The following FERRY3 variants were observed in gnomAD, a reference collection of about 807,000 sequenced individuals.
FERRY3 encodes the protein protein C12orf4.
the FERRY3 span, among the ~76,000 whole-genome samples, chr12:4,492,579 T>G: frequency 1.3e-5 from 2 of 152,226 alleles, no homozygotes; most frequent in Non-Finnish European, 2.9e-5. Flanking sequence ...TTCACATACC[T>G]TAGGACCACT....
chr12:4,490,614 T>C, the FERRY3 span: 2 of 1,588,800 alleles, frequency 1.3e-6, no homozygotes, highest in African/African-American at 1.3e-5. Context: ...CAGATGTTGC[T>C]GCATGACAAG....
At chr12:4,520,439 A>C in the FERRY3 span, among the ~76,000 whole-genome samples, 1 of 152,250 alleles carries the variant, frequency 6.6e-6, no homozygotes, top group Non-Finnish European at 1.5e-5. Flanking sequence ...GCTGGGAGGC[A>C]GAGCAAAAGT....
the FERRY3 span, among the ~76,000 whole-genome samples, chr12:4,526,135 T>C: frequency 6.6e-6 from 1 of 152,116 alleles, no homozygotes; most frequent in Non-Finnish European, 1.5e-5. Flanking sequence ...AAAGAAATAA[T>C]GTGCAAAAAT....
At chr12:4,526,858 T>C in the FERRY3 span, among the ~76,000 whole-genome samples, 14 of 149,276 alleles carry the variant, frequency 9.4e-5, no homozygotes, top group African/African-American at 3.2e-4. Context: ...AAAAAAAGGG[T>C]GAATTTATAC....
the FERRY3 span, chr12:4,529,938 T>C: frequency 6.2e-7 from 1 of 1,613,598 alleles, no homozygotes; most frequent in Non-Finnish European, 8.5e-7. Flanking sequence ...AAAGTAATTA[T>C]GTTCCAAATT....
the FERRY3 span, among the ~76,000 whole-genome samples, chr12:4,494,157 A>C: frequency 7.9e-5 from 12 of 152,282 alleles, no homozygotes; most frequent in African/African-American, 2.9e-4. Context: ...TAAAAACTAC[A>C]ATAATAATGT....
chr12:4,524,777 AT>A, the FERRY3 span, among the ~76,000 whole-genome samples: 2 of 152,168 alleles, frequency 1.3e-5, no homozygotes, highest in African/African-American at 4.8e-5. Context: ...ACAAGTTATA[AT>A]TTATGAGAAA....
the FERRY3 span, chr12:4,517,334 C>T: frequency 8.4e-6 from 8 of 951,858 alleles, no homozygotes; most frequent in East Asian, 2.6e-4. Context: ...AATAATTATG[C>T]CTTAAGTTAG....
chr12:4,521,154 T>A, the FERRY3 span, among the ~76,000 whole-genome samples: 1 of 148,154 alleles, frequency 6.7e-6, no homozygotes, highest in African/African-American at 2.5e-5. Context: ...AGATCAGGAG[T>A]TCAAGACCAG....
chr12:4,498,045 T>C, the FERRY3 span, among the ~76,000 whole-genome samples: 1 of 152,220 alleles, frequency 6.6e-6, no homozygotes, highest in Non-Finnish European at 1.5e-5. Context: ...TAGCTCAATA[T>C]ACTTTTGTGA....
At chr12:4,491,241 A>T in the FERRY3 span, 2 of 1,610,466 alleles carry the variant, frequency 1.2e-6, no homozygotes, top group Admixed American at 3.3e-5. Context: ...TTTCCTAAAA[A>T]CAGAAACAAA....
the FERRY3 span, chr12:4,488,818 CTTTG>C: frequency 6.6e-6 from 1 of 151,982 alleles, no homozygotes; most frequent in East Asian, 1.9e-4. This position sits in a 1 kb window ranked among gnomAD's most constrained non-coding sequence, Gnocchi z 4.9. Context: ...TTGTAAATGC[CTTTG>C]TTTAATGGAG....
At chr12:4,497,094 G>C in the FERRY3 span, among the ~76,000 whole-genome samples, 2 of 152,092 alleles carry the variant, frequency 1.3e-5, no homozygotes, top group Admixed American at 1.3e-4. Context: ...AATGTTCATA[G>C]CAATACTACT....
At chr12:4,504,567 TAAGTTC>T in the FERRY3 span, among the ~76,000 whole-genome samples, 1 of 152,238 alleles carries the variant, frequency 6.6e-6, no homozygotes, top group Non-Finnish European at 1.5e-5. Context: ...TCTTTATATT[TAAGTTC>T]AACTGTTTAT....
chr12:4,535,609 T>C, the FERRY3 span, among the ~76,000 whole-genome samples: 2 of 152,222 alleles, frequency 1.3e-5, no homozygotes, highest in African/African-American at 4.8e-5. The surrounding 1 kb of genome is among the most constrained non-coding windows in gnomAD (Gnocchi z 4.0). Flanking sequence ...GCAAAGACTA[T>C]TCAAAAATTA....
chr12:4,515,525 C>G, the FERRY3 span, among the ~76,000 whole-genome samples: 1 of 152,078 alleles, frequency 6.6e-6, no homozygotes, highest in Non-Finnish European at 1.5e-5. Flanking sequence ...CACTAAGCAT[C>G]CTGGAGGATG....
At chr12:4,496,895 A>G in the FERRY3 span, among the ~76,000 whole-genome samples, 33 of 152,236 alleles carry the variant, frequency 2.2e-4, no homozygotes, top group Non-Finnish European at 4.7e-4. Flanking sequence ...TTAGCAGAAG[A>G]TGAGAAATAG....
the FERRY3 span, among the ~76,000 whole-genome samples, chr12:4,527,023 A>ATAAC: frequency 1.1e-4 from 16 of 152,158 alleles, no homozygotes; most frequent in African/African-American, 3.9e-4. Flanking sequence ...TTAACTTTTA[A>ATAAC]TAACTATTAT....
the FERRY3 span, chr12:4,488,962 T>TA: frequency 6.6e-6 from 1 of 152,218 alleles, no homozygotes; most frequent in Non-Finnish European, 1.5e-5. This position sits in a 1 kb window ranked among gnomAD's most constrained non-coding sequence, Gnocchi z 4.9. Flanking sequence ...TGGGGATACA[T>TA]TTATCCGCAA....
Sources: allele counts gnomAD v4.1 joint callset (sites outside exome capture counted in the v4.1 genomes callset), GRCh38; gene constraint gnomAD v4.1.1; non-coding constraint Gnocchi (gnomAD v3.1); transcripts MANE v1.5; gene names NCBI Gene and HGNC (gene_info 2026-07-23, HGNC 2026-07-21).